Variants in RPH3A observed in about 807,000 individuals in gnomAD.
RPH3A encodes the protein rabphilin-3A.
RPH3A carries 48 observed loss-of-function variants against 102.2 expected under a neutral mutation model. That is an observed-to-expected ratio of 0.47 (90% CI 0.37 to 0.60). The LOEUF (loss-of-function observed/expected upper bound fraction) is 0.60. RPH3A is among the 20% of genes least tolerant of loss of function. The pLI is 0.00. For missense variants in RPH3A, 781 were observed against 910.1 expected, an observed-to-expected ratio of 0.86 and a Z score of 1.83; for synonymous variants, 310 against 324.3, an observed-to-expected ratio of 0.96 and a Z score of 0.47.
At position 112,743,835 on chromosome 12, in the gene RPH3A, G is replaced by A. The variant is rs192021129; in HGVS notation, c.-139-48308G>A. ...ATAGGATTTTTGAAAATACAGGTTT[G>A]GGGACTGCTAAGATTTCATGGGGTG... On this transcript the variant is annotated intron_variant, in intron 1 of 21. Coordinates refer to the RPH3A transcript ENST00000543106. Among the ~76,000 whole-genome samples the A allele has an allele frequency of 4.3e-4, 65 of 152,278 alleles. 2 individuals are homozygous for A. The highest frequency in any genetic ancestry group is 4.3e-3 in the Admixed American group (65 of 15,294).
intron 1 of RPH3A, among the ~76,000 whole-genome samples, chr12:112,610,568 C>T (rs943804954): frequency 2.7e-5 from 4 of 150,922 alleles, no homozygotes; most frequent in African/African-American, 9.7e-5. Flanking sequence ...CTTAGTCCCT[C>T]TGCAGTCCAT....
chr12:112,848,600 C>T (rs958567354), intron 5 of RPH3A, among the ~76,000 whole-genome samples: 2 of 152,162 alleles, frequency 1.3e-5, no homozygotes, highest in Non-Finnish European at 2.9e-5. Context: ...TGCACAGTTC[C>T]TGACCCAGGC....
At chr12:112,719,918 C>T (rs529478963) in intron 1 of RPH3A, among the ~76,000 whole-genome samples, 7 of 152,350 alleles carry the variant, frequency 4.6e-5, no homozygotes, top group African/African-American at 1.7e-4. Context: ...TTCCTCCTCA[C>T]ATATCACTTG....
intron 1 of RPH3A, among the ~76,000 whole-genome samples, chr12:112,774,751 G>A (rs1400760322): frequency 6.6e-6 from 1 of 151,946 alleles, no homozygotes; most frequent in Non-Finnish European, 1.5e-5. Context: ...CACAGGGAGG[G>A]GAACAACACA....
At chr12:112,704,785 T>C (rs2040417638) in intron 1 of RPH3A, among the ~76,000 whole-genome samples, 1 of 152,212 alleles carries the variant, frequency 6.6e-6, no homozygotes, top group Non-Finnish European at 1.5e-5. Context: ...ATTCTGACTT[T>C]GGGAGAGTAC....
intron 1 of RPH3A, among the ~76,000 whole-genome samples, chr12:112,626,957 G>C (rs1359767015): frequency 1.1e-5 from 1 of 88,170 alleles, no homozygotes; most frequent in East Asian, 3.1e-4. Flanking sequence ...ACTATCGCAA[G>C]AACAAAAAAC....
At chr12:112,826,820 G>A (rs1420226695) in intron 2 of RPH3A, among the ~76,000 whole-genome samples, 1 of 152,124 alleles carries the variant, frequency 6.6e-6, no homozygotes, top group Non-Finnish European at 1.5e-5. Context: ...AAACCACAAT[G>A]GCTTTATCTG....
chr12:112,772,970 T>C (rs2040937792), intron 1 of RPH3A, among the ~76,000 whole-genome samples: 1 of 152,100 alleles, frequency 6.6e-6, no homozygotes. Context: ...CACATATCAG[T>C]GAGAACATAT....
chr12:112,712,925 C>CTTCTTCTTCCTCTTCTTCT (rs1565856803), intron 1 of RPH3A, among the ~76,000 whole-genome samples: 2 of 94,526 alleles, frequency 2.1e-5, no homozygotes, highest in African/African-American at 9.1e-5. Context: ...CTTCTTCTTC[C>CTTCTTCTTCCTCTTCTTCT]TCTTCTTCTT....
At chr12:112,694,332 C>T (rs2040329356) in intron 1 of RPH3A, among the ~76,000 whole-genome samples, 2 of 152,118 alleles carry the variant, frequency 1.3e-5, no homozygotes, top group African/African-American at 2.4e-5. Flanking sequence ...TTTATGCACA[C>T]GAGGGGCAGT....
At chr12:112,861,350 A>T (rs917711239) in intron 5 of RPH3A, among the ~76,000 whole-genome samples, 2 of 152,138 alleles carry the variant, frequency 1.3e-5, no homozygotes, top group Non-Finnish European at 2.9e-5. Flanking sequence ...TCTTGTCCCA[A>T]CCTCGGGCAG....
chr12:112,870,121 T>C, intron 10 of RPH3A, 82 bp downstream of exon 10: 1 of 1,389,650 alleles, frequency 7.2e-7, no homozygotes, highest in Non-Finnish European at 9.7e-7. Context: ...TTTTTATTCA[T>C]TTACTTAGGC....
At chr12:112,779,558 A>G (rs2040992636) in intron 1 of RPH3A, among the ~76,000 whole-genome samples, 2 of 152,212 alleles carry the variant, frequency 1.3e-5, no homozygotes, top group South Asian at 4.1e-4. Flanking sequence ...CTGTCAGCTT[A>G]GTTTAATAAT....
intron 1 of RPH3A, among the ~76,000 whole-genome samples, chr12:112,648,405 G>A (rs995154555): frequency 2.7e-5 from 4 of 150,642 alleles, no homozygotes; most frequent in Non-Finnish European, 4.4e-5. Flanking sequence ...TTTCGACTTA[G>A]GGTTGTTTCT....
intron 2 of RPH3A, among the ~76,000 whole-genome samples, chr12:112,818,684 G>A (rs936607394): frequency 2.0e-5 from 3 of 152,234 alleles, no homozygotes; most frequent in African/African-American, 7.2e-5. Flanking sequence ...CACCTCTAAG[G>A]ACTAGGGTTG....
intron 1 of RPH3A, among the ~76,000 whole-genome samples, chr12:112,712,673 A>ATG (rs1025171419): frequency 1.3e-4 from 20 of 149,178 alleles, no homozygotes; most frequent in Middle Eastern, 3.5e-3. Flanking sequence ...GTGTGTGTGT[A>ATG]TGTGTGTGTG....
rs117555967 is a variant in RPH3A, at chr12:112,599,407, A to G, written c.-140+24088A>G. 2.2e-4 allele frequency among the ~76,000 whole-genome samples: 34 copies of G among 152,288 alleles called. 1 individual carries two copies. In the East Asian group the frequency reaches 6.2e-3, roughly 28 times the overall value. ...AATGCAACATTGCATCAACTACTCAATGGTGACTCAACCCCCAGTTCTCTC... is the reference window on the plus strand; with the variant it reads ...AATGCAACATTGCATCAACTACTCAGTGGTGACTCAACCCCCAGTTCTCTC... On this transcript the variant is annotated intron_variant, in intron 1 of 21. Coordinates refer to the RPH3A transcript ENST00000543106.
At chr12:112,672,119 A>T (rs950202654) in intron 1 of RPH3A, among the ~76,000 whole-genome samples, 4 of 151,800 alleles carry the variant, frequency 2.6e-5, no homozygotes, top group Non-Finnish European at 5.9e-5. Context: ...GCAAGTGTCA[A>T]ATCTGCAGGG....
chr12:112,751,840 T>C (rs2040787622), intron 1 of RPH3A, among the ~76,000 whole-genome samples: 3 of 152,238 alleles, frequency 2.0e-5, no homozygotes, highest in Admixed American at 2.0e-4. Flanking sequence ...GGAAGCAGCA[T>C]AAATTTTTAA....
Sources: gnomAD v4.1 joint callset for allele counts (sites outside exome capture counted in the v4.1 genomes callset) on GRCh38, gnomAD v4.1.1 for gene constraint, MANE v1.5 for transcripts, NCBI Gene and HGNC (gene_info 2026-07-23, HGNC 2026-07-21) for gene names.